GLI2: variants seen among roughly 807,000 people sequenced by gnomAD.
GLI2 encodes transcription activator GLI2.
GLI2 carries 22 observed loss-of-function variants against 78.9 expected under a neutral mutation model. The observed-to-expected ratio is 0.28, with a 90% CI of 0.20 to 0.40. GLI2 has a LOEUF of 0.40. Ranked by LOEUF, GLI2 falls within the 10% of genes least tolerant of loss-of-function variation. GLI2 has a pLI of 1.00. For synonymous variants in GLI2, 974 were observed against 963.7 expected (o/e 1.01, Z -0.20); for missense variants, 2,097 against 2,213.2 (o/e 0.95, Z 1.05).
At chr2:120,897,000 G>A (rs1678003117) in intron 2 of GLI2, among the ~76,000 whole-genome samples, 2 of 152,236 alleles carry the variant, frequency 1.3e-5, no homozygotes, top group African/African-American at 4.8e-5. Context: ...AGGGGCAGGG[G>A]AGGAACGTGT....
intron 1 of GLI2, among the ~76,000 whole-genome samples, chr2:120,791,217 C>T (rs1051222599): frequency 2.0e-5 from 3 of 152,316 alleles, no homozygotes; most frequent in East Asian, 1.9e-4. Flanking sequence ...ACGTTCCCCA[C>T]GTCCCTATCT....
chr2:120,983,934 C>T (rs547059200), intron 11 of GLI2, among the ~76,000 whole-genome samples: 8 of 117,248 alleles, frequency 6.8e-5, no homozygotes, highest in South Asian at 3.8e-4. Context: ...TTTCTGTAGA[C>T]GTGGTGTGTG....
At chr2:120,775,757 C>T (rs1683658244) in intron 1 of GLI2, among the ~76,000 whole-genome samples, 1 of 152,194 alleles carries the variant, frequency 6.6e-6, no homozygotes, top group African/African-American at 2.4e-5. Flanking sequence ...TGAGGGTGGG[C>T]ATGCTGTCAG....
chr2:120,941,494 C>T (rs574663860), intron 3 of GLI2, among the ~76,000 whole-genome samples: 25 of 152,294 alleles, frequency 1.6e-4, no homozygotes, highest in South Asian at 8.3e-4. Flanking sequence ...GTGGCAGGAG[C>T]TGGCCTTGCT....
At chr2:120,854,813 G>C (rs1487878222) in intron 2 of GLI2, among the ~76,000 whole-genome samples, 1 of 152,216 alleles carries the variant, frequency 6.6e-6, no homozygotes, top group Non-Finnish European at 1.5e-5. Flanking sequence ...CTGAGTTTCT[G>C]ACTCAGTAGG....
rs533178454 is a variant in GLI2 at position 120,828,792 on chromosome 2, A to AT, written c.148+31327dup. ...ATAATTTATTTGGTCAGACACTATA[A>AT]TTTGCCACGTCATTCCATTTCTCTT... On this transcript the variant is annotated intron_variant, in intron 2 of 13. Coordinates refer to ENST00000361492, the MANE Select transcript of GLI2 (RefSeq NM_001374353.1). Among the ~76,000 whole-genome samples the AT allele has an allele frequency of 1.1e-4, 17 of 147,874 alleles. No homozygotes were observed. The East Asian group carries it at 2.2e-3, about 19-fold the overall frequency.
chr2:120,790,886 G>A (rs1160903980), intron 1 of GLI2, among the ~76,000 whole-genome samples: 1 of 152,158 alleles, frequency 6.6e-6, no homozygotes, highest in Non-Finnish European at 1.5e-5. Context: ...GGGCCCTGCA[G>A]GCAGGTGATC....
chr2:120,833,563 C>T lies in GLI2; in HGVS notation c.148+36095C>T, dbSNP rs904839616. ...TTTGCAGGGCTGTCATGAGTGGAAG[C>T]CTCATCCCCCAACCTTGGATGAGCA... is the stretch of plus-strand genomic sequence containing the variant. On this transcript the variant is annotated intron_variant, in intron 2 of 13. Transcript: ENST00000361492. 2.0e-5 allele frequency among the ~76,000 whole-genome samples: 3 copies of T among 152,150 alleles called. No individual in the cohort carries two copies. In the East Asian group the frequency reaches 5.8e-4, roughly 29 times the overall value.
At chr2:120,856,816 G>T (rs10427244) in intron 2 of GLI2, among the ~76,000 whole-genome samples, 23,329 of 152,160 alleles carry the variant, frequency 0.15, 2,043 homozygotes, top group Middle Eastern at 0.32. Context: ...CTGGAATGGG[G>T]ATAAAATCCA....
chr2:120,986,517 CAAG>C lies in GLI2; in HGVS notation c.2149_2151del (p.Lys717del). On this transcript the variant is annotated inframe_deletion, in exon 13 of 14. Transcript: ENST00000361492. ...CCACCATGCACCGGTTCGAGCAGCT[CAAG>C]AAGGAGAAGCTCAAGTCACTCAAGG... 1 of 1,614,124 alleles carries C rather than the reference CAAG, an allele frequency of 6.2e-7. No individual in the cohort carries two copies. Among genetic ancestry groups the C allele is most frequent in the East Asian group, 2.2e-5 (1 of 44,868 alleles).
rs546870426 is a variant in GLI2 at position 120,945,069 on chromosome 2, G to A, written c.255-6174G>A. On this transcript the variant is annotated intron_variant, in intron 3 of 13. Transcript: ENST00000361492. The stretch of plus-strand genomic sequence containing the variant: ...GCTTTGCCAGGGATCTCCCACTAGG[G>A]AGGGAGGGAAAGAGGGAAGAGGAAG... Among the ~76,000 whole-genome samples the A allele has an allele frequency of 2.6e-5, 4 of 152,342 alleles. No individual in the cohort carries two copies. The East Asian group carries it at 7.7e-4, about 29-fold the overall frequency.
At chr2:120,985,236 G>T (rs143253144) in intron 12 of GLI2, among the ~76,000 whole-genome samples, 1 of 152,242 alleles carries the variant, frequency 6.6e-6, no homozygotes, top group African/African-American at 2.4e-5. Flanking sequence ...TGTGTGGGTG[G>T]GCTGGGGGAG....
chr2:120,789,507 T>C (rs1169172770), intron 1 of GLI2, among the ~76,000 whole-genome samples: 2 of 152,154 alleles, frequency 1.3e-5, no homozygotes, highest in Non-Finnish European at 2.9e-5. Context: ...GACTGGATGG[T>C]CACCAGGAAG....
At chr2:120,876,952 A>G (rs1162417252) in intron 2 of GLI2, among the ~76,000 whole-genome samples, 1 of 152,210 alleles carries the variant, frequency 6.6e-6, no homozygotes, top group Non-Finnish European at 1.5e-5. Context: ...CCAACTGTGT[A>G]AGCTTCAGGC....
chr2:120,943,395 G>T (rs1680557992), intron 3 of GLI2, among the ~76,000 whole-genome samples: 1 of 152,224 alleles, frequency 6.6e-6, no homozygotes, highest in Admixed American at 6.5e-5. Flanking sequence ...ACACAGAGGG[G>T]AGAGGCAGGC....
intron 2 of GLI2, among the ~76,000 whole-genome samples, chr2:120,872,931 A>C: frequency 6.6e-6 from 1 of 152,242 alleles, no homozygotes; most frequent in Non-Finnish European, 1.5e-5. Flanking sequence ...CAATAGTAAT[A>C]AATGTGAGTG....
At chr2:120,930,404 T>A (rs1486355448) in intron 3 of GLI2, among the ~76,000 whole-genome samples, 2 of 152,242 alleles carry the variant, frequency 1.3e-5, no homozygotes, top group East Asian at 3.8e-4. Flanking sequence ...ACTAACCCTA[T>A]GGCTCACCCA....
At chr2:120,974,195 C>A (rs1682334337) in intron 8 of GLI2, among the ~76,000 whole-genome samples, 1 of 152,036 alleles carries the variant, frequency 6.6e-6, no homozygotes, top group Non-Finnish European at 1.5e-5. Flanking sequence ...CCTTGACAGC[C>A]CTTGTAGGCC....
At chr2:120,760,361 T>C (rs1475517245) in intron 1 of GLI2, among the ~76,000 whole-genome samples, 1 of 152,170 alleles carries the variant, frequency 6.6e-6, no homozygotes, top group African/African-American at 2.4e-5. Flanking sequence ...GTGCCATCGC[T>C]GTGCTTTTGA....
Sources: allele counts gnomAD v4.1 joint callset (sites outside exome capture counted in the v4.1 genomes callset), GRCh38; gene constraint gnomAD v4.1.1; transcripts MANE v1.5; gene names NCBI Gene and HGNC (gene_info 2026-07-23, HGNC 2026-07-21).